MYO9A: variants seen among roughly 807,000 people sequenced by gnomAD.
MYO9A encodes the protein unconventional myosin-IXa.
In MYO9A, 103 loss-of-function variants were observed where a neutral mutation model predicts 293.3. The ratio of observed to expected loss-of-function variants is 0.35; its 90% confidence interval spans 0.30 to 0.41. The LOEUF is 0.41. Among genes scored for constraint, MYO9A ranks in the 10% least tolerant of loss-of-function variants. The probability of loss-of-function intolerance (pLI) is 1.00; values close to 1 mark genes in which losing one functional copy is unlikely to be tolerated. For synonymous variants in MYO9A, 1,001 were observed against 1,035.7 expected (o/e 0.97, Z 0.64); for missense variants, 2,685 against 3,033.0 (o/e 0.89, Z 2.69).
intron 35 of MYO9A, 140 bp downstream of exon 35, chr15:71,854,237 A>T: frequency 1.4e-6 from 1 of 694,102 alleles, no homozygotes; most frequent in Non-Finnish European, 2.1e-6. Flanking sequence ...AAGCCAAAAA[A>T]TGATAACAAA....
intron 18 of MYO9A, among the ~76,000 whole-genome samples, chr15:71,928,056 ATTTTTTTTTTTTTTTTT>A (rs1172759885): frequency 5.0e-4 from 3 of 6,042 alleles, no homozygotes; most frequent in South Asian, 8.1e-3. Context: ...ATATATATAT[ATTTTTTTTTTTTTTTTT>A]TTTTTTTTTT....
At chr15:71,863,005 A>AGCCTCC (rs752945141) in intron 32 of MYO9A, among the ~76,000 whole-genome samples, 75 of 148,620 alleles carry the variant, frequency 5.0e-4, no homozygotes, top group Non-Finnish European at 7.3e-4. Context: ...AGCTCACTGC[A>AGCCTCC]GCCTCCGCCT....
chr15:71,994,625 AATG>A, intron 9 of MYO9A, 40 bp from the exon 10 acceptor site: 1 of 1,226,720 alleles, frequency 8.2e-7, no homozygotes, highest in African/African-American at 1.5e-5. Context: ...TAGAATTGAC[AATG>A]ATTAAGATAC....
intron 1 of MYO9A, among the ~76,000 whole-genome samples, chr15:72,078,663 A>G (rs1323429643): frequency 6.6e-6 from 1 of 152,176 alleles, no homozygotes. Context: ...ATAAAAAAAT[A>G]ACTTTAAAAA....
chr15:71,999,133 C>T (rs2076791824), intron 9 of MYO9A: 1 of 152,142 alleles, frequency 6.6e-6, no homozygotes, highest in African/African-American at 2.4e-5. Flanking sequence ...AGAATTCAAT[C>T]ACAATTTCCT....
chr15:71,868,530 T>C (rs1004723626), intron 32 of MYO9A, among the ~76,000 whole-genome samples: 7 of 152,166 alleles, frequency 4.6e-5, no homozygotes, highest in African/African-American at 7.2e-5. Context: ...ATCTGTGAAG[T>C]CCCTTCACAG....
At chr15:72,100,934 C>T (rs2080273545) in intron 1 of MYO9A, among the ~76,000 whole-genome samples, 1 of 139,652 alleles carries the variant, frequency 7.2e-6, no homozygotes, top group Non-Finnish European at 1.6e-5. Flanking sequence ...GGGTCAGCCC[C>T]CCGCCCGGCC....
At chr15:71,985,613 C>T (rs2076389660) in intron 11 of MYO9A, among the ~76,000 whole-genome samples, 1 of 152,148 alleles carries the variant, frequency 6.6e-6, no homozygotes. Flanking sequence ...ATTCCTCATA[C>T]TCTCAAGCCT....
At chr15:72,085,645 T>C (rs2079695545) in intron 1 of MYO9A, among the ~76,000 whole-genome samples, 1 of 152,200 alleles carries the variant, frequency 6.6e-6, no homozygotes, top group African/African-American at 2.4e-5. Flanking sequence ...CTCAGCCTAG[T>C]TCAGAAACCT....
intron 14 of MYO9A, among the ~76,000 whole-genome samples, chr15:71,957,407 AC>A (rs1369904441): frequency 1.3e-5 from 2 of 152,098 alleles, no homozygotes; most frequent in Non-Finnish European, 2.9e-5. Context: ...CCACCATTTC[AC>A]TGATGTCTAT....
chr15:71,957,201 C>T (rs2059223021), intron 14 of MYO9A, among the ~76,000 whole-genome samples: 1 of 152,266 alleles, frequency 6.6e-6, no homozygotes, highest in African/African-American at 2.4e-5. Flanking sequence ...GTATACAAGA[C>T]TTCTAATTTT....
intron 32 of MYO9A, among the ~76,000 whole-genome samples, chr15:71,864,966 C>T (rs1405612529): frequency 4.6e-5 from 7 of 152,048 alleles, no homozygotes; most frequent in Non-Finnish European, 7.4e-5. Context: ...AAATTTACCT[C>T]CAGAAAGCTG....
At chr15:72,026,673 G>A (rs183353254) in intron 4 of MYO9A, among the ~76,000 whole-genome samples, 4 of 152,016 alleles carry the variant, frequency 2.6e-5, no homozygotes, top group Non-Finnish European at 5.9e-5. Context: ...TCTTTGAAAA[G>A]ATCTTCAAAA....
intron 1 of MYO9A, among the ~76,000 whole-genome samples, chr15:72,079,179 T>C (rs145803925): frequency 6.6e-6 from 1 of 152,238 alleles, no homozygotes; most frequent in East Asian, 1.9e-4. Flanking sequence ...TTAACCAAGA[T>C]GCTAAACAAT....
chr15:72,105,502 C>CTTTTTTTTT (rs35861022), intron 1 of MYO9A, among the ~76,000 whole-genome samples: 1 of 89,270 alleles, frequency 1.1e-5, no homozygotes, highest in Non-Finnish European at 2.1e-5. Flanking sequence ...GCTGGGAAAG[C>CTTTTTTTTT]TTTTTTTTTT....
chr15:71,954,946 C>T (rs866826892), intron 14 of MYO9A, among the ~76,000 whole-genome samples: 1 of 152,154 alleles, frequency 6.6e-6, no homozygotes, highest in Admixed American at 6.5e-5. Context: ...CATAAAATAA[C>T]GCTTTTCTTA....
rs373813028 is a variant in MYO9A, at chr15:71,935,354, G to A, written c.2509C>T (p.His837Tyr). ...STSSKLLERA[H>Y]GILTRNKNFK... ...ATTAGTACTGACGTGAGAATTCCAT[G>A]GGCTCTCTCCAGGAGTTTGCTGCTA... The change falls in exon 17 of 42, where the codon CAT becomes TAT. Residue 837 changes from histidine to tyrosine, a missense_variant. By Grantham distance (83) the His-to-Tyr change is moderately conservative. This residue lies in a region of MYO9A where 1,434 missense variants were observed against 1,497.7 expected (regional missense o/e 0.96). Coordinates refer to ENST00000356056, the MANE Select transcript of MYO9A (RefSeq NM_006901.4). 3 of 1,613,040 alleles carry A rather than the reference G, an allele frequency of 1.9e-6. No homozygotes were observed. Among genetic ancestry groups the A allele is most frequent in the African/African-American group, 2.7e-5 (2 of 74,864 alleles).
chr15:71,825,357 T>TATACATACATA lies in MYO9A; in HGVS notation c.*1212_*1222dup, dbSNP rs1392967792. ...CAAGGTTAAAAAGAAATATGCCTAC[T>TATACATACATA]ATACATACATATTTACAATAAACTT... On this transcript the variant is annotated 3_prime_UTR_variant, in exon 42 of 42. Transcript: ENST00000356056. The TATACATACATA allele has an allele frequency of 1.1e-4, 17 of 152,220 alleles. No homozygotes were observed. The highest frequency in any genetic ancestry group is 3.9e-4 in the African/African-American group (16 of 41,462). 9.4% of individuals were successfully genotyped at this position (152,220 alleles called of 1,614,324 possible). A position where few individuals can be genotyped will look rare whatever the true frequency, so the allele number is the denominator to read the frequency against.
In MYO9A at chr15:72,077,733, GA is replaced by G. The variant is rs60518266; in HGVS notation, c.-71-31100del. Among the ~76,000 whole-genome samples, 54 of 87,396 alleles carry G rather than the reference GA, an allele frequency of 6.2e-4. No homozygotes were observed. The East Asian group carries it at 0.012, about 19-fold the overall frequency. 57.3% of individuals were successfully genotyped at this position (87,396 alleles called of 152,430 possible). On this transcript the variant is annotated intron_variant, in intron 1 of 41. Coordinates refer to ENST00000356056, the MANE Select transcript of MYO9A (RefSeq NM_006901.4). ...CAACAGAGTGAGACTCTGTCTCAAA[GA>G]AAAAAAAAAAAAAAAAAAATATATA...
Sources: gnomAD v4.1 joint callset for allele counts (sites outside exome capture counted in the v4.1 genomes callset) on GRCh38, gnomAD v4.1.1 for gene constraint, gnomAD v4.1.1 regional missense constraint, MANE v1.5 for transcripts, NCBI Gene and HGNC (gene_info 2026-07-23, HGNC 2026-07-21) for gene names.